The following PPFIBP2 variants were observed in gnomAD, a reference collection of about 807,000 sequenced individuals.
PPFIBP2 encodes the protein PPFIB scaffold protein 2.
In PPFIBP2, 118 loss-of-function variants were observed where a neutral mutation model predicts 118.3. That is an observed-to-expected ratio of 1.00 (90% CI 0.86 to 1.16). PPFIBP2 has a LOEUF of 1.16. Among genes scored for constraint, PPFIBP2 ranks in the 50% most tolerant of loss-of-function variants. The pLI is 0.00. For missense variants in PPFIBP2, 1,195 were observed against 1,073.1 expected (o/e 1.11, Z -1.59); for synonymous variants, 414 against 397.4 (o/e 1.04, Z -0.50).
downstream of PPFIBP2, chr11:7,656,862 G>T (rs926578892): frequency 1.7e-6 from 2 of 1,192,794 alleles, no homozygotes; most frequent in African/African-American, 1.6e-5. Context: ...TGCTTCTGTG[G>T]GGAGCGGGCA....
At chr11:7,663,588 C>G in the PPFIBP2 span, among the ~76,000 whole-genome samples, 1 of 152,068 alleles carries the variant, frequency 6.6e-6, no homozygotes, top group Non-Finnish European at 1.5e-5. Context: ...GTAGAAGTTA[C>G]TTCTGTCTTT....
intron 17 of PPFIBP2, among the ~76,000 whole-genome samples, chr11:7,645,537 T>C (rs1445038508): frequency 6.6e-6 from 1 of 152,212 alleles, no homozygotes; most frequent in Non-Finnish European, 1.5e-5. Flanking sequence ...CTCTGTCATC[T>C]CCAAATTATT....
intron 20 of PPFIBP2, 28 bp downstream of exon 20, chr11:7,649,263 G>T: frequency 1.3e-6 from 2 of 1,587,362 alleles, no homozygotes; most frequent in East Asian, 2.2e-5. Flanking sequence ...AAATATTTCA[G>T]TTGTCCCTGT....
downstream of PPFIBP2, among the ~76,000 whole-genome samples, chr11:7,659,042 A>G (rs1347354667): frequency 7.5e-6 from 1 of 134,114 alleles, no homozygotes. Context: ...TCTGGATATT[A>G]GCCCTTTGTC....
At chr11:7,606,059 T>C in intron 5 of PPFIBP2, 1 of 1,520,420 alleles carries the variant, frequency 6.6e-7, no homozygotes, top group Non-Finnish European at 8.8e-7. Context: ...CTGAAGGAAG[T>C]AGGTTGGTTC....
intron 21 of PPFIBP2, chr11:7,650,627 A>C: frequency 2.7e-6 from 1 of 376,692 alleles, no homozygotes; most frequent in Admixed American, 4.2e-5. Context: ...CAGATATCTC[A>C]GTGTGGAAGA....
chr11:7,654,038 G>A (rs12807437), downstream of PPFIBP2, among the ~76,000 whole-genome samples: 15,040 of 152,256 alleles, frequency 0.099, 802 homozygotes, highest in East Asian at 0.12. Context: ...TCCATCTGTC[G>A]TGCAGACCTC....
chr11:7,623,657 G>T (rs954805523), intron 7 of PPFIBP2, among the ~76,000 whole-genome samples: 2 of 152,170 alleles, frequency 1.3e-5, no homozygotes, highest in Admixed American at 6.5e-5. Flanking sequence ...CTCTTGATCG[G>T]TCCACATTGC....
chr11:7,561,067 GGTTT>G (rs72170568), intron 2 of PPFIBP2, among the ~76,000 whole-genome samples: 26,493 of 151,810 alleles, frequency 0.17, 2,348 homozygotes, highest in African/African-American at 0.21. Flanking sequence ...GATACGAGTA[GGTTT>G]GTTTGTTTGT....
chr11:7,632,598 C>G (rs904712513), intron 11 of PPFIBP2: 11 of 253,984 alleles, frequency 4.3e-5, no homozygotes, highest in African/African-American at 6.5e-5. Context: ...GCCCAAGAAC[C>G]CAGGTCTCAG....
downstream of PPFIBP2, among the ~76,000 whole-genome samples, chr11:7,657,804 G>T (rs114395602): frequency 2.0e-5 from 3 of 152,158 alleles, no homozygotes; most frequent in Non-Finnish European, 2.9e-5. Flanking sequence ...CCACAGTGCC[G>T]TGTCTGCCCT....
chr11:7,544,877 CTCTG>C (rs1852170161), intron 1 of PPFIBP2, among the ~76,000 whole-genome samples: 1 of 151,558 alleles, frequency 6.6e-6, no homozygotes, highest in Admixed American at 6.6e-5. Flanking sequence ...TTCTGGCTCT[CTCTG>C]TCTTCTCCCT....
At chr11:7,652,720 C>A (rs1266399451) in intron 23 of PPFIBP2, among the ~76,000 whole-genome samples, 1 of 152,212 alleles carries the variant, frequency 6.6e-6, no homozygotes, top group African/African-American at 2.4e-5. Context: ...ACCTCAAGTA[C>A]ATTCTAAAGG....
intron 17 of PPFIBP2, among the ~76,000 whole-genome samples, chr11:7,645,191 G>A (rs1393556092): frequency 6.6e-6 from 1 of 152,156 alleles, no homozygotes; most frequent in Non-Finnish European, 1.5e-5. Flanking sequence ...CTAAGGGGAA[G>A]TTGACCTGGG....
intron 3 of PPFIBP2, among the ~76,000 whole-genome samples, chr11:7,590,257 A>G (rs930278674): frequency 2.0e-5 from 3 of 152,188 alleles, no homozygotes; most frequent in Admixed American, 6.5e-5. Context: ...TCCTAGTCCT[A>G]TATAGATCAT....
the PPFIBP2 span, among the ~76,000 whole-genome samples, chr11:7,663,131 G>A: frequency 2.3e-5 from 3 of 130,770 alleles, no homozygotes; most frequent in African/African-American, 7.5e-5. Context: ...ATCGTCTGAA[G>A]CCTTCTTCTC....
the PPFIBP2 span, among the ~76,000 whole-genome samples, chr11:7,663,506 C>G: frequency 1.3e-5 from 2 of 152,186 alleles, no homozygotes; most frequent in Admixed American, 6.5e-5. Flanking sequence ...TCTGCCCGTT[C>G]TCAGATCTGC....
chr11:7,621,015 A>G lies in PPFIBP2; in HGVS notation c.699A>G (p.Leu233=). ...ENERNQYEWK[L]KATKAEVAQL... is the part of the protein sequence containing the mutation. ...AAAGGAATCAGTATGAATGGAAGCTAAAGGCCACTAAGGTAAACGGCACTC... is the reference window on the plus strand; with the variant it reads ...AAAGGAATCAGTATGAATGGAAGCTGAAGGCCACTAAGGTAAACGGCACTC... The change falls in exon 7 of 24, where the codon CTA becomes CTG. Residue 233 remains leucine, a synonymous_variant. Transcript: ENST00000299492. 7 of 1,607,868 alleles carry G rather than the reference A, an allele frequency of 4.4e-6. No individual in the cohort carries two copies. Among genetic ancestry groups the G allele is most frequent in the South Asian group, 2.2e-5 (2 of 90,960 alleles).
intron 2 of PPFIBP2, among the ~76,000 whole-genome samples, chr11:7,550,325 G>T (rs1225950982): frequency 2.0e-5 from 3 of 152,228 alleles, no homozygotes; most frequent in African/African-American, 7.2e-5. Context: ...GTGGCTGGAA[G>T]AGAGCGTGGA....
Sources: gnomAD v4.1 joint callset for allele counts (sites outside exome capture counted in the v4.1 genomes callset) on GRCh38, gnomAD v4.1.1 for gene constraint, MANE v1.5 for transcripts, NCBI Gene and HGNC (gene_info 2026-07-23, HGNC 2026-07-21) for gene names.